SLC2A12: variants seen among roughly 807,000 people sequenced by gnomAD.
SLC2A12 encodes solute carrier family 2 member 12.
SLC2A12 carries 23 observed loss-of-function variants against 41.8 expected under a neutral mutation model. The ratio of observed to expected loss-of-function variants is 0.55; its 90% CI spans 0.40 to 0.78. The LOEUF (loss-of-function observed/expected upper bound fraction) is 0.78. SLC2A12 is among the 30% of genes least tolerant of loss of function. The pLI is 0.00. For missense variants in SLC2A12, 654 were observed against 745.6 expected (o/e 0.88, Z 1.43); for synonymous variants, 295 against 285.9 (o/e 1.03, Z -0.32).
At position 134,014,942 on chromosome 6, in the gene SLC2A12, G is replaced by A. The variant is rs150516553; in HGVS notation, c.1445-8008C>T. On this transcript the variant is annotated intron_variant, in intron 2 of 4. Coordinates refer to ENST00000275230, the MANE Select transcript of SLC2A12 (RefSeq NM_145176.3). ...ATCATCTAACTCCGAGGGGAAAACA[G>A]GATTTAATTAGCTAAGTGCATCTAG... 3.5e-3 allele frequency among the ~76,000 whole-genome samples: 536 copies of A among 152,340 alleles called. 2 individuals are homozygous for A. Among genetic ancestry groups the A allele is most frequent in the African/African-American group, 0.012 (485 of 41,580 alleles).
At chr6:134,003,836 A>G (rs761568397) in intron 3 of SLC2A12, among the ~76,000 whole-genome samples, 5 of 152,234 alleles carry the variant, frequency 3.3e-5, no homozygotes, top group Non-Finnish European at 5.9e-5. Flanking sequence ...ACATTTGTCT[A>G]TCTGGAACAG....
chr6:134,048,104 C>T (rs761327566), intron 1 of SLC2A12, among the ~76,000 whole-genome samples: 17 of 152,202 alleles, frequency 1.1e-4, no homozygotes, highest in Non-Finnish European at 2.5e-4. Flanking sequence ...CAAGAGATCC[C>T]AGAGGAGCCA....
chr6:134,015,621 G>T (rs1313795409), intron 2 of SLC2A12, among the ~76,000 whole-genome samples: 1 of 152,212 alleles, frequency 6.6e-6, no homozygotes, highest in African/African-American at 2.4e-5. Context: ...TTTGACTGTG[G>T]TGGTTCTGCG....
chr6:134,023,031 G>A (rs2114465294), intron 2 of SLC2A12, among the ~76,000 whole-genome samples: 1 of 152,296 alleles, frequency 6.6e-6, no homozygotes, highest in East Asian at 1.9e-4. Context: ...TACAGTCTAT[G>A]TGGAATTCTT....
intron 1 of SLC2A12, among the ~76,000 whole-genome samples, chr6:134,048,074 T>G (rs1777483235): frequency 6.6e-6 from 1 of 152,204 alleles, no homozygotes; most frequent in South Asian, 2.1e-4. Context: ...TCCCACCATG[T>G]TCGCAGCCTT....
chr6:134,035,151 CAAAAAAAAA>C (rs71003662), intron 1 of SLC2A12, among the ~76,000 whole-genome samples: 28,390 of 107,944 alleles, frequency 0.26, 3,617 homozygotes, highest in South Asian at 0.49. Flanking sequence ...GGCTGCCTGA[CAAAAAAAAA>C]AAAAAAAAAA....
intron 2 of SLC2A12, among the ~76,000 whole-genome samples, chr6:134,025,970 C>A (rs953600241): frequency 2.0e-5 from 3 of 152,092 alleles, no homozygotes; most frequent in African/African-American, 7.2e-5. Context: ...AAAATTACCC[C>A]AAAACTAAAG....
intron 4 of SLC2A12, among the ~76,000 whole-genome samples, chr6:133,994,619 T>C (rs1468993195): frequency 1.3e-5 from 2 of 152,026 alleles, no homozygotes; most frequent in Non-Finnish European, 2.9e-5. Flanking sequence ...TCCCAGCTAC[T>C]CGGGAGGCTG....
intron 1 of SLC2A12, among the ~76,000 whole-genome samples, chr6:134,036,025 T>C (rs917618727): frequency 2.0e-5 from 3 of 152,198 alleles, no homozygotes; most frequent in African/African-American, 7.2e-5. Flanking sequence ...TTTTTCACAA[T>C]ATTTGAGTTT....
intron 2 of SLC2A12, among the ~76,000 whole-genome samples, chr6:134,022,968 A>C (rs1306645340): frequency 1.3e-5 from 2 of 152,218 alleles, no homozygotes; most frequent in Non-Finnish European, 2.9e-5. Context: ...CAATAAGCTA[A>C]TGCCAACTCC....
At position 133,991,243 on chromosome 6, in the gene SLC2A12, G is replaced by A. The variant is rs765043633; in HGVS notation, c.1766C>T (p.Pro589Leu). Reference sequence around the variant, plus strand: ...CTGCTCCTGGGGTTTTCTTTTTTGAGGCTGTTTTGGCACTAATTCTTCTTG... The same window carrying A: ...CTGCTCCTGGGGTTTTCTTTTTTGAAGCTGTTTTGGCACTAATTCTTCTTG... Reference protein sequence around the residue: ...HHQEELVPKQPQKRKPQEQLL... With the variant: ...HHQEELVPKQLQKRKPQEQLL... Residue 589 changes from proline to leucine, a missense_variant, in exon 5 of 5, where the codon CCT becomes CTT. Physicochemically the swap from Pro to Leu is moderately conservative, Grantham distance 98 (BLOSUM62 -3). Transcript: ENST00000275230. 2.9e-5 allele frequency: 47 copies of A among 1,613,776 alleles called. No individual in the cohort carries two copies. Among genetic ancestry groups the A allele is most frequent in the Non-Finnish European group, 3.8e-5 (45 of 1,179,972 alleles).
At chr6:134,019,260 G>A (rs1777009227) in intron 2 of SLC2A12, among the ~76,000 whole-genome samples, 1 of 152,134 alleles carries the variant, frequency 6.6e-6, no homozygotes, top group Admixed American at 6.5e-5. Context: ...ATTTTAAGGA[G>A]GGCTGGGTTT....
chr6:133,990,251 G>A lies in SLC2A12; in HGVS notation c.*904C>T, dbSNP rs1776602484. Reference sequence around the variant, plus strand: ...TATTCCTGAGGAGTGTGAAGAATTGGACACTGTGGATTACTATACATTGTC... The same window carrying A: ...TATTCCTGAGGAGTGTGAAGAATTGAACACTGTGGATTACTATACATTGTC... On this transcript the variant is annotated 3_prime_UTR_variant, in exon 5 of 5. Coordinates refer to ENST00000275230, the MANE Select transcript of SLC2A12 (RefSeq NM_145176.3). The A allele has an allele frequency of 6.6e-6, 1 of 152,602 alleles. No homozygotes were observed. The highest frequency in any genetic ancestry group is 2.1e-4 in the South Asian group (1 of 4,822). The allele number at this position is 152,602 out of a possible 1,614,324, so 9.5% of individuals were successfully genotyped here.
rs754031942 is a variant in SLC2A12 at position 134,002,074 on chromosome 6, G to A, written c.1623C>T (p.Ser541=). 3 of 1,603,660 alleles carry A rather than the reference G, an allele frequency of 1.9e-6. No homozygotes were observed. Among genetic ancestry groups the A allele is most frequent in the East Asian group, 4.5e-5 (2 of 44,302 alleles). The change falls in exon 4 of 5, where the codon TCC becomes TCT. Residue 541 remains serine, a synonymous_variant. Transcript: ENST00000275230. ...GTATAAACATAACAACAAAAAGCAG[G>A]GATGCTAGACTCATGATTGTATATA... ...CFIYTIMSLA[S]LLFVVMFIPE...
intron 1 of SLC2A12, among the ~76,000 whole-genome samples, chr6:134,043,625 C>G (rs1483743979): frequency 1.3e-4 from 20 of 151,784 alleles, no homozygotes; most frequent in Admixed American, 1.3e-3. Context: ...AACCCCGTCT[C>G]TAGTAAAAAT....
At chr6:134,042,251 A>C (rs1183691465) in intron 1 of SLC2A12, among the ~76,000 whole-genome samples, 1 of 152,218 alleles carries the variant, frequency 6.6e-6, no homozygotes, top group Non-Finnish European at 1.5e-5. Flanking sequence ...TTTTTAAATT[A>C]TTTAATTAGG....
At chr6:134,013,644 A>G (rs1428859222) in intron 2 of SLC2A12, among the ~76,000 whole-genome samples, 1 of 151,566 alleles carries the variant, frequency 6.6e-6, no homozygotes, top group South Asian at 2.1e-4. Context: ...AGTTGAAAAA[A>G]TTTTGTTAAT....
At position 134,052,583 on chromosome 6, in the gene SLC2A12, T is replaced by G; in HGVS notation, c.-103A>C. The G allele has an allele frequency of 1.2e-6, 1 of 859,548 alleles. No individual in the cohort carries two copies. The highest frequency in any genetic ancestry group is 1.8e-6 in the Non-Finnish European group (1 of 543,176). 53.2% of individuals were successfully genotyped at this position (859,548 alleles called of 1,614,324 possible). ...CCCATAATAGCATGCTAAAGAAGAG[T>G]GTGGGGAAAAACTTCGGGCAAAGCT... is the stretch of plus-strand genomic sequence containing the variant. On this transcript the variant is annotated 5_prime_UTR_variant, in exon 1 of 5. Transcript: ENST00000275230.
chr6:134,032,951 G>GAAACA (rs1270096532), intron 1 of SLC2A12, among the ~76,000 whole-genome samples: 1 of 150,144 alleles, frequency 6.7e-6, no homozygotes, highest in East Asian at 1.9e-4. Flanking sequence ...TGTCAAAATA[G>GAAACA]AAACAAAACA....
Sources: allele counts gnomAD v4.1 joint callset (sites outside exome capture counted in the v4.1 genomes callset), GRCh38; gene constraint gnomAD v4.1.1; transcripts MANE v1.5; gene names NCBI Gene and HGNC (gene_info 2026-07-23, HGNC 2026-07-21).